Variants in C2CD3 observed in about 807,000 individuals in gnomAD.
The protein encoded by C2CD3 is C2 domain containing 3 centriole elongation regulator, also known as C2 domain-containing protein 3.
Under a neutral mutation model 234.0 loss-of-function variants are expected in C2CD3, and 148 were observed. The ratio of observed to expected loss-of-function variants is 0.63; its 90% CI spans 0.55 to 0.72. The LOEUF is 0.72. Among genes scored for constraint, C2CD3 ranks in the 30% least tolerant of loss-of-function variants. The pLI is 0.00. For missense variants in C2CD3, 2,577 were observed against 2,811.5 expected (o/e 0.92, Z 1.89); for synonymous variants, 1,000 against 1,035.4 (o/e 0.97, Z 0.66).
At chr11:74,130,535 A>G (rs144373908) in intron 7 of C2CD3, among the ~76,000 whole-genome samples, 2,832 of 152,060 alleles carry the variant, frequency 0.019, 46 homozygotes, top group Middle Eastern at 0.031. Flanking sequence ...GCCTGGTCCC[A>G]ACTTCTTTTT....
At chr11:74,022,302 G>A (rs894028976) in intron 32 of C2CD3, among the ~76,000 whole-genome samples, 10 of 152,156 alleles carry the variant, frequency 6.6e-5, no homozygotes, top group African/African-American at 9.7e-5. Context: ...TCTGGCAGGA[G>A]TAACTACATG....
At chr11:74,021,862 ACGC>A (rs763888384) in intron 32 of C2CD3, among the ~76,000 whole-genome samples, 16 of 152,228 alleles carry the variant, frequency 1.1e-4, no homozygotes, top group Non-Finnish European at 1.9e-4. Context: ...GCAGTGGCTT[ACGC>A]TTGTAATCAC....
intron 11 of C2CD3, among the ~76,000 whole-genome samples, chr11:74,111,690 A>T (rs868011137): frequency 5.3e-5 from 8 of 152,146 alleles, no homozygotes; most frequent in African/African-American, 1.9e-4. Flanking sequence ...GAAGGGATAA[A>T]CCAAGCTTGT....
At position 74,154,617 on chromosome 11, in the gene C2CD3, G is replaced by A. The variant is rs866097340; in HGVS notation, c.483+6782C>T. Among the ~76,000 whole-genome samples, 25 of 152,278 alleles carry A rather than the reference G, an allele frequency of 1.6e-4. No homozygotes were observed. The South Asian group carries it at 4.6e-3, about 28-fold the overall frequency. ...GGGTTGATACATTTTCCTATGAATA[G>A]GCCAGAGAGCTAATATATTAGGCTT... On this transcript the variant is annotated intron_variant, in intron 3 of 32. Coordinates refer to ENST00000334126, the MANE Select transcript of C2CD3 (RefSeq NM_001286577.2).
At chr11:74,161,269 GGGCAAA>G (rs771490761) in intron 3 of C2CD3, 124 bp downstream of exon 3, 1 of 507,682 alleles carries the variant, frequency 2.0e-6, no homozygotes, top group Non-Finnish European at 3.3e-6. Flanking sequence ...GTAAAAACAT[GGGCAAA>G]GGCATGAGGT....
chr11:74,048,285 G>A lies in C2CD3; in HGVS notation c.5415C>T (p.Phe1805=). ...GGGTCTGCCTTGCCATGTGGCTGGA[G>A]AATGCAGCATACGTATCAGAGGCAG... ...SFPASDTYAA[F]SSHMARQTLD... The change falls in exon 28 of 33, where the codon TTC becomes TTT. Residue 1805 remains phenylalanine (F), a synonymous_variant. Coordinates refer to ENST00000334126, the MANE Select transcript of C2CD3 (RefSeq NM_001286577.2). The A allele has an allele frequency of 1.9e-6, 3 of 1,613,732 alleles. No individual in the cohort carries two copies. The highest frequency in any genetic ancestry group is 1.7e-6 in the Non-Finnish European group (2 of 1,179,770).
rs1954010728 is a variant in C2CD3, at chr11:74,057,502, C to A, written c.4994G>T (p.Cys1665Phe). 9 of 1,614,108 alleles carry A rather than the reference C, an allele frequency of 5.6e-6. No individual in the cohort carries two copies. The highest frequency in any genetic ancestry group is 7.6e-6 in the Non-Finnish European group (9 of 1,179,972). ...CTCATCGGCTGTTGCAAAGGATACA[C>A]AACAACTGGGTATCGATACTTTCCG... ...TERKVSIPSC[C>F]VSFATADESS... The change falls in exon 25 of 33, where the codon TGT becomes TTT. Residue 1665 changes from cysteine (C) to phenylalanine (F), a missense_variant. Coordinates refer to ENST00000334126, the MANE Select transcript of C2CD3 (RefSeq NM_001286577.2).
chr11:74,139,746 A>C lies in C2CD3; in HGVS notation c.566T>G (p.Leu189Arg). The change falls in exon 4 of 33, where the codon CTT becomes CGT. Residue 189 changes from leucine to arginine, a missense_variant. By Grantham distance (102) the Leu-to-Arg change is moderately radical. Transcript: ENST00000334126. ...CTCTCTGAATCCCTGCTTAGATAAA[A>C]GCACATTTTCTGTCATGTCAGTGGT... ...LPTTDMTENV[L>R]LSKQGFRENT... 6.2e-7 allele frequency: 1 copy of C among 1,613,836 alleles called. No homozygotes were observed. Among genetic ancestry groups the C allele is most frequent in the Non-Finnish European group, 8.5e-7 (1 of 1,179,742 alleles).
intron 26 of C2CD3, among the ~76,000 whole-genome samples, chr11:74,053,434 G>A (rs1953793944): frequency 6.6e-6 from 1 of 152,180 alleles, no homozygotes; most frequent in African/African-American, 2.4e-5. Context: ...AGGTCACACT[G>A]CTAAAGTAAG....
At chr11:74,032,921 A>G (rs1373527590) in intron 31 of C2CD3, among the ~76,000 whole-genome samples, 2 of 152,074 alleles carry the variant, frequency 1.3e-5, no homozygotes, top group African/African-American at 2.4e-5. Flanking sequence ...TATATGCAAA[A>G]TAGGGATGAT....
Position 74,132,729 on chromosome 11 carries a change from G to A in C2CD3, c.1217+115C>T, listed in dbSNP as rs551734887. ...CAATAGTGATAGTTTAAGGAATAGG[G>A]AAGGGCTTGGTTAGTCTAAGGACAT... On this transcript the variant is annotated intron_variant, in intron 7 of 32. Transcript: ENST00000334126. The A allele has an allele frequency of 8.9e-5, 85 of 951,894 alleles. No individual in the cohort carries two copies. In the African/African-American group the frequency reaches 9.7e-4, roughly 11 times the overall value. The allele number at this position is 951,894 out of a possible 1,614,324, so 59.0% of individuals were successfully genotyped here.
At chr11:74,097,149 GAA>G (rs5792645) in intron 16 of C2CD3, among the ~76,000 whole-genome samples, 35 of 135,038 alleles carry the variant, frequency 2.6e-4, no homozygotes, top group South Asian at 7.1e-4. Flanking sequence ...ACCTCACCTC[GAA>G]AAAAAAAAAA....
chr11:74,120,960 C>T (rs1465128939), intron 8 of C2CD3, among the ~76,000 whole-genome samples: 2 of 148,500 alleles, frequency 1.3e-5, no homozygotes, highest in African/African-American at 2.5e-5. Context: ...AGTTTGAGAC[C>T]AACTTGGACA....
At chr11:74,132,187 C>G (rs1447001602) in intron 7 of C2CD3, among the ~76,000 whole-genome samples, 2 of 152,054 alleles carry the variant, frequency 1.3e-5, no homozygotes, top group African/African-American at 2.4e-5. Context: ...CCCGTCGCTA[C>G]TAAAAATACA....
Position 74,028,229 on chromosome 11 carries a change from A to G in C2CD3, c.6921+58T>C, listed in dbSNP as rs1952383038. 9.6e-6 allele frequency: 12 copies of G among 1,249,718 alleles called. No homozygotes were observed. The Admixed American group carries it at 2.3e-4, about 24-fold the overall frequency. The allele number at this position is 1,249,718 out of a possible 1,614,324, so 77.4% of individuals were successfully genotyped here. On this transcript the variant is annotated intron_variant, in intron 32 of 32. Coordinates refer to ENST00000334126, the MANE Select transcript of C2CD3 (RefSeq NM_001286577.2). ...TGGGGCAGCTCTGCATTCTGTGCAC[A>G]CTTCTGTGGAAGAGATGATGACTCT...
intron 31 of C2CD3, among the ~76,000 whole-genome samples, chr11:74,032,855 C>T (rs1256602253): frequency 1.3e-5 from 2 of 150,570 alleles, no homozygotes; most frequent in Admixed American, 6.6e-5. Flanking sequence ...ACAGAATAAC[C>T]TGTCTCTTAA....
At chr11:74,020,166 G>C (rs1952029397) in intron 32 of C2CD3, among the ~76,000 whole-genome samples, 1 of 152,244 alleles carries the variant, frequency 6.6e-6, no homozygotes, top group African/African-American at 2.4e-5. Flanking sequence ...CACAGAGCAA[G>C]ACAAGGCTCA....
At chr11:74,099,043 T>C (rs1474471) in intron 15 of C2CD3, among the ~76,000 whole-genome samples, 34,403 of 152,088 alleles carry the variant, frequency 0.23, 4,208 homozygotes, top group East Asian at 0.3. Flanking sequence ...TAACTGGTAG[T>C]TACTATTATT....
At position 74,145,133 on chromosome 11, in the gene C2CD3, C is replaced by T. The variant is rs183461637; in HGVS notation, c.484-5305G>A. 3.9e-4 allele frequency among the ~76,000 whole-genome samples: 59 copies of T among 152,260 alleles called. 1 individual carries two copies. The East Asian group carries it at 0.011, about 29-fold the overall frequency. The stretch of plus-strand genomic sequence containing the variant: ...CGTAGTTCTGTTTTTAGATCTTTGA[C>T]GAATCGCCACACTGCTTTCCAGAAC... On this transcript the variant is annotated intron_variant, in intron 3 of 32. Coordinates refer to ENST00000334126, the MANE Select transcript of C2CD3 (RefSeq NM_001286577.2).
Sources: gnomAD v4.1 joint callset for allele counts (sites outside exome capture counted in the v4.1 genomes callset) on GRCh38, gnomAD v4.1.1 for gene constraint, MANE v1.5 for transcripts, NCBI Gene and HGNC (gene_info 2026-07-23, HGNC 2026-07-21) for gene names.